Variants in ZDHHC18 observed in about 807,000 individuals in gnomAD.
ZDHHC18 encodes the protein palmitoyltransferase ZDHHC18.
In ZDHHC18, 23 loss-of-function variants were observed where a neutral mutation model predicts 37.5. That is an observed-to-expected ratio of 0.61 (90% CI 0.44 to 0.87). The LOEUF is 0.87. ZDHHC18 is among the 40% of genes least tolerant of loss of function. The probability of loss-of-function intolerance (pLI) is 0.00; values close to 1 mark genes in which losing one functional copy is unlikely to be tolerated. For synonymous variants in ZDHHC18, 185 were observed against 218.7 expected (o/e 0.85, Z 1.36); for missense variants, 406 against 525.6 (o/e 0.77, Z 2.22).
At chr1:26,844,389 T>C (rs770515203) in intron 2 of ZDHHC18, among the ~76,000 whole-genome samples, 7 of 152,310 alleles carry the variant, frequency 4.6e-5, no homozygotes, top group Non-Finnish European at 5.9e-5. Context: ...TTGACGATGG[T>C]TCGATTCTCA....
At position 26,853,848 on chromosome 1, in the gene ZDHHC18, G is replaced by A. The variant is rs1374892854; in HGVS notation, c.*5G>A. 1.2e-5 allele frequency: 20 copies of A among 1,612,672 alleles called. No homozygotes were observed. The highest frequency in any genetic ancestry group is 1.6e-4 in the Middle Eastern group (1 of 6,080). ...ATGGTAGGAGGCCACCCCTGACCAC[G>A]GCTCAGTACTTGCCACCTGCTGGCC... is the stretch of plus-strand genomic sequence containing the variant. On this transcript the variant is annotated 3_prime_UTR_variant, in exon 8 of 8. Transcript: ENST00000374142.
intron 1 of ZDHHC18, among the ~76,000 whole-genome samples, chr1:26,828,954 C>T (rs1420431498): frequency 6.6e-6 from 1 of 152,166 alleles, no homozygotes; most frequent in Non-Finnish European, 1.5e-5. Flanking sequence ...TGATATCTGG[C>T]CTAACTTCTG....
intron 2 of ZDHHC18, among the ~76,000 whole-genome samples, chr1:26,847,085 C>T (rs748819617): frequency 4.9e-4 from 74 of 151,706 alleles, no homozygotes; most frequent in Non-Finnish European, 8.2e-4. Context: ...TTAGTAGAGA[C>T]GGGGTTTCAC....
chr1:26,851,279 A>C, intron 6 of ZDHHC18, 48 bp downstream of exon 6: 1 of 1,575,672 alleles, frequency 6.3e-7, no homozygotes, highest in Non-Finnish European at 8.7e-7. Flanking sequence ...CGCCCTCAGG[A>C]GGAGGCAGGG....
chr1:26,840,097 T>C (rs1401625203), intron 2 of ZDHHC18, among the ~76,000 whole-genome samples: 3 of 152,210 alleles, frequency 2.0e-5, no homozygotes, highest in Non-Finnish European at 4.4e-5. Context: ...GCCTGGCTGC[T>C]GGAGACCAGA....
At position 26,854,129 on chromosome 1, in the gene ZDHHC18, T is replaced by G. The variant is rs1183571752; in HGVS notation, c.*286T>G. The stretch of plus-strand genomic sequence containing the variant: ...GGGGACCACACCAAGTCCTTGCCTG[T>G]GCCGGGCGAGCCCTGTGTGAGTGAG... On this transcript the variant is annotated 3_prime_UTR_variant, in exon 8 of 8. Coordinates refer to ENST00000374142, the MANE Select transcript of ZDHHC18 (RefSeq NM_032283.3). The surrounding 1 kb of genome is among the most constrained non-coding windows in gnomAD (Gnocchi z 4.6). 2.6e-6 allele frequency: 1 copy of G among 386,140 alleles called. No homozygotes were observed. The highest frequency in any genetic ancestry group is 2.0e-5 in the African/African-American group (1 of 49,264). The allele number at this position is 386,140 out of a possible 1,614,324, so 23.9% of individuals were successfully genotyped here. A position where few individuals can be genotyped will look rare whatever the true frequency, so the allele number is the denominator to read the frequency against.
At chr1:26,827,948 C>G (rs2081566774) in intron 1 of ZDHHC18, among the ~76,000 whole-genome samples, 1 of 152,172 alleles carries the variant, frequency 6.6e-6, no homozygotes, top group South Asian at 2.1e-4. Flanking sequence ...TGGAACGTCC[C>G]TCTGGCCTGT....
intron 6 of ZDHHC18, 42 bp downstream of exon 6, chr1:26,851,273 C>T: frequency 1.9e-6 from 3 of 1,596,100 alleles, no homozygotes; most frequent in Non-Finnish European, 2.6e-6. Context: ...GGGCAGCGCC[C>T]TCAGGAGGAG....
chr1:26,843,421 G>A (rs944262746), intron 2 of ZDHHC18, among the ~76,000 whole-genome samples: 11 of 150,978 alleles, frequency 7.3e-5, no homozygotes, highest in Admixed American at 1.3e-4. Flanking sequence ...GATTACAGGC[G>A]TGAGCCACCG....
intron 2 of ZDHHC18, among the ~76,000 whole-genome samples, chr1:26,833,917 T>A (rs1280071035): frequency 6.6e-6 from 1 of 152,152 alleles, no homozygotes; most frequent in Non-Finnish European, 1.5e-5. Context: ...GAGGATGTTC[T>A]CTGGGCTCTG....
chr1:26,846,297 T>C (rs1479532288), intron 2 of ZDHHC18, among the ~76,000 whole-genome samples: 1 of 52,458 alleles, frequency 1.9e-5, no homozygotes, highest in Non-Finnish European at 3.7e-5. Flanking sequence ...TGTGTATATA[T>C]ATATATATAT....
intron 3 of ZDHHC18, 35 bp downstream of exon 3, chr1:26,848,792 T>A (rs1380640261): frequency 6.3e-7 from 1 of 1,595,358 alleles, no homozygotes; most frequent in East Asian, 2.3e-5. Context: ...ATGCAGGGAT[T>A]CCTGAGAGAG....
intron 1 of ZDHHC18, among the ~76,000 whole-genome samples, chr1:26,831,375 G>T (rs1221617587): frequency 6.6e-6 from 1 of 152,234 alleles, no homozygotes; most frequent in Non-Finnish European, 1.5e-5. Context: ...GTAGGGCCCA[G>T]ATCATGCCTG....
At chr1:26,832,870 G>A (rs1010890392) in intron 2 of ZDHHC18, among the ~76,000 whole-genome samples, 6 of 152,226 alleles carry the variant, frequency 3.9e-5, no homozygotes, top group Non-Finnish European at 5.9e-5. Flanking sequence ...GCTAGGCACT[G>A]TTTTAAGCTC....
At position 26,850,303 on chromosome 1, in the gene ZDHHC18, C is replaced by T; in HGVS notation, c.649C>T (p.Arg217Ter). ...HCSVCDNCVE[R>*]FDHHCPWVGN... ...CATCGCCCCTTGCCCTTGTCCAGAA[C>T]GATTTGACCATCACTGCCCCTGGGT... The change falls in exon 4 of 8, where the codon CGA becomes TGA. Residue 217 changes from arginine (R) to a stop codon, truncating the protein, a stop_gained and splice_region_variant. Transcript: ENST00000374142. LOFTEE classifies it high-confidence loss of function. This position sits in a 1 kb window ranked among gnomAD's most constrained non-coding sequence, Gnocchi z 6.1. 2.5e-6 allele frequency: 4 copies of T among 1,614,160 alleles called. No individual in the cohort carries two copies. Among genetic ancestry groups the T allele is most frequent in the Non-Finnish European group, 1.7e-6 (2 of 1,180,012 alleles).
chr1:26,829,213 C>G (rs1033634581), intron 1 of ZDHHC18, among the ~76,000 whole-genome samples: 2 of 152,108 alleles, frequency 1.3e-5, no homozygotes, highest in African/African-American at 4.8e-5. Flanking sequence ...GCTCTCTAAG[C>G]CTTTCCTGCT....
chr1:26,852,777 A>T lies in ZDHHC18; in HGVS notation c.961A>T (p.Arg321Trp), dbSNP rs1361997233. 1.9e-6 allele frequency: 3 copies of T among 1,613,954 alleles called. No individual in the cohort carries two copies. The highest frequency in any genetic ancestry group is 2.5e-6 in the Non-Finnish European group (3 of 1,179,964). The change falls in exon 7 of 8, where the codon AGG (arginine) becomes TGG (tryptophan). Residue 321 changes from arginine to tryptophan, a missense_variant. Transcript: ENST00000374142. ...GATCAAAGGCTCGTGGTCCAGCAAG[A>T]GGGGCGGTGAGGCCTCTGTCAACCC... The part of the protein sequence containing the change: ...EDIKGSWSSK[R>W]GGEASVNPYS...
Position 26,827,098 on chromosome 1 carries a change from G to T in ZDHHC18, c.294G>T (p.Leu98=), listed in dbSNP as rs773164468. The change falls in exon 1 of 8, where the codon CTG becomes CTT. Residue 98 remains leucine, a synonymous_variant. Coordinates refer to ENST00000374142, the MANE Select transcript of ZDHHC18 (RefSeq NM_032283.3). ...ACGGCGGCGTCTTCGCGCTCACGCTGCTGCTCATCCTCACCACCACCGGCC... is the reference window on the plus strand; with the variant it reads ...ACGGCGGCGTCTTCGCGCTCACGCTTCTGCTCATCCTCACCACCACCGGCC... The part of the protein sequence containing the change: ...AGHGGVFALT[L]LLILTTTGLF... 1 of 1,413,376 alleles carries T rather than the reference G, an allele frequency of 7.1e-7. No homozygotes were observed. Among genetic ancestry groups the T allele is most frequent in the Non-Finnish European group, 9.2e-7 (1 of 1,086,356 alleles). 87.6% of individuals were successfully genotyped at this position (1,413,376 alleles called of 1,614,324 possible).
chr1:26,845,105 A>T (rs2081657045), intron 2 of ZDHHC18, among the ~76,000 whole-genome samples: 1 of 151,538 alleles, frequency 6.6e-6, no homozygotes, highest in Admixed American at 6.6e-5. Flanking sequence ...TTGTATTTTT[A>T]GTATAGACGA....
Sources: allele counts gnomAD v4.1 joint callset (sites outside exome capture counted in the v4.1 genomes callset), GRCh38; gene constraint gnomAD v4.1.1; non-coding constraint Gnocchi (gnomAD v3.1); transcripts MANE v1.5; gene names NCBI Gene and HGNC (gene_info 2026-07-23, HGNC 2026-07-21).